Variants in CCDC68 observed in about 807,000 individuals in gnomAD.
The protein encoded by CCDC68 is coiled-coil domain containing 68.
Under a neutral mutation model 47.1 loss-of-function variants are expected in CCDC68, and 45 were observed. That is an observed-to-expected ratio of 0.96 (90% CI 0.75 to 1.23). The LOEUF is 1.23. Ranked by LOEUF, CCDC68 falls within the 50% of genes most tolerant of loss-of-function variation. The pLI is 0.00. For missense variants in CCDC68, 353 were observed against 373.6 expected, an observed-to-expected ratio of 0.94 and a Z score of 0.45; for synonymous variants, 131 against 129.5, an observed-to-expected ratio of 1.01 and a Z score of -0.08.
intron 10 of CCDC68, among the ~76,000 whole-genome samples, chr18:54,916,266 C>T (rs1393607824): frequency 3.9e-5 from 6 of 151,992 alleles, no homozygotes; most frequent in South Asian, 2.1e-4. Flanking sequence ...AAAGACAGTG[C>T]GAGGTTCAAT....
At chr18:54,937,721 T>A in intron 5 of CCDC68, 1 of 348,722 alleles carries the variant, frequency 2.9e-6, no homozygotes, top group East Asian at 5.6e-5. Flanking sequence ...TGACTGAAAT[T>A]GTATAACTGT....
chr18:54,930,175 C>T (rs946974329), intron 7 of CCDC68, among the ~76,000 whole-genome samples: 6 of 152,124 alleles, frequency 3.9e-5, no homozygotes, highest in Admixed American at 6.5e-5. Flanking sequence ...CTCCAAAATG[C>T]CTATAAATGG....
intron 1 of CCDC68, among the ~76,000 whole-genome samples, chr18:54,951,240 A>G (rs1328382469): frequency 2.0e-5 from 3 of 152,116 alleles, no homozygotes; most frequent in Admixed American, 6.6e-5. Flanking sequence ...GTCTATCCTC[A>G]TAGTTCACTG....
At chr18:54,941,799 T>G (rs915940984) in intron 3 of CCDC68, among the ~76,000 whole-genome samples, 151 of 152,178 alleles carry the variant, frequency 9.9e-4, no homozygotes, top group African/African-American at 3.6e-3. Context: ...TATTTTTTAT[T>G]ATTATAATTT....
intron 11 of CCDC68, among the ~76,000 whole-genome samples, chr18:54,905,236 A>C (rs1913918836): frequency 6.6e-6 from 1 of 150,994 alleles, no homozygotes; most frequent in Non-Finnish European, 1.5e-5. Flanking sequence ...CCTGGGCCAC[A>C]GAGTGAGGCC....
At chr18:54,923,717 C>CT (rs5825107) in intron 8 of CCDC68, among the ~76,000 whole-genome samples, 65 of 147,862 alleles carry the variant, frequency 4.4e-4, no homozygotes, top group Middle Eastern at 3.4e-3. Context: ...AGCACTCAGT[C>CT]TTTTTTTTTT....
rs562249148 is a variant in CCDC68, at chr18:54,941,473, A to G, written c.118-390T>C. Among the ~76,000 whole-genome samples the G allele has an allele frequency of 2.9e-3, 331 of 113,064 alleles. 2 individuals are homozygous for G. Among genetic ancestry groups the G allele is most frequent in the Middle Eastern group, 4.6e-3 (1 of 218 alleles). The allele number at this position is 113,064 out of a possible 152,430, so 74.2% of individuals were successfully genotyped here. Reference sequence around the variant, plus strand: ...TACTACTTAGTAATCACTACAAAATAATTACTACCTAGTAATTACTACAAA... The same window carrying G: ...TACTACTTAGTAATCACTACAAAATGATTACTACCTAGTAATTACTACAAA... On this transcript the variant is annotated intron_variant, in intron 3 of 11. Coordinates refer to ENST00000591504, the MANE Select transcript of CCDC68 (RefSeq NM_025214.3).
At chr18:54,907,751 T>C (rs369270622) in intron 11 of CCDC68, 35 bp downstream of exon 11, 5 of 1,167,104 alleles carry the variant, frequency 4.3e-6, no homozygotes, top group Non-Finnish European at 5.2e-6. Flanking sequence ...CAACATAGGT[T>C]GTGAAGACAG....
intron 1 of CCDC68, among the ~76,000 whole-genome samples, chr18:54,950,897 C>CTTTTTTTTTT (rs869026740): frequency 8.1e-5 from 5 of 61,960 alleles, no homozygotes; most frequent in South Asian, 1.8e-3. Context: ...ATTCAGATGT[C>CTTTTTTTTTT]TTTTTTTTTT....
At chr18:54,922,102 C>T (rs1311957618) in intron 8 of CCDC68, among the ~76,000 whole-genome samples, 1 of 152,140 alleles carries the variant, frequency 6.6e-6, no homozygotes, top group African/African-American at 2.4e-5. Flanking sequence ...ATACTGAGCC[C>T]TCAGTATTTC....
chr18:54,911,595 T>C lies in CCDC68; in HGVS notation c.874-3733A>G, dbSNP rs144670491. On this transcript the variant is annotated intron_variant, in intron 10 of 11. Transcript: ENST00000591504. ...GGTGAAGATTTCCTCATATAATGAA[T>C]ATAAATCTATTATACACTCCAAACA... Among the ~76,000 whole-genome samples the C allele has an allele frequency of 2.0e-5, 3 of 152,298 alleles. No homozygotes were observed. The East Asian group carries it at 5.8e-4, about 29-fold the overall frequency.
Position 54,904,043 on chromosome 18 carries a change from A to T in CCDC68, c.*315T>A. On this transcript the variant is annotated 3_prime_UTR_variant, in exon 12 of 12. Coordinates refer to ENST00000591504, the MANE Select transcript of CCDC68 (RefSeq NM_025214.3). ...AAAAAGTCAGAATTGACAATCTTAA[A>T]ACAATCCCAGTAGAAAAAAAAATCT... 3.9e-6 allele frequency: 1 copy of T among 256,946 alleles called. No individual in the cohort carries two copies. The highest frequency in any genetic ancestry group is 7.4e-6 in the Non-Finnish European group (1 of 134,844). The allele number at this position is 256,946 out of a possible 1,614,324, so 15.9% of individuals were successfully genotyped here. A position where few individuals can be genotyped will look rare whatever the true frequency, so the allele number is the denominator to read the frequency against.
chr18:54,934,378 G>GT (rs1013227628), intron 7 of CCDC68, among the ~76,000 whole-genome samples: 153 of 152,174 alleles, frequency 1.0e-3, no homozygotes, highest in African/African-American at 3.6e-3. Flanking sequence ...GCAGCCGTAG[G>GT]TTTTTCCAAA....
intron 1 of CCDC68, among the ~76,000 whole-genome samples, chr18:54,957,627 A>ACACACT (rs375675674): frequency 7.0e-6 from 1 of 143,754 alleles, no homozygotes; most frequent in African/African-American, 2.6e-5. Flanking sequence ...ACACACACAC[A>ACACACT]CTCTCTCTCT....
chr18:54,918,245 C>T (rs1032349406), intron 9 of CCDC68, among the ~76,000 whole-genome samples: 1 of 152,228 alleles, frequency 6.6e-6, no homozygotes, highest in African/African-American at 2.4e-5. Context: ...AAACCAAGTT[C>T]AGCAGGAGTG....
chr18:54,943,357 C>T (rs1026155452), intron 2 of CCDC68, among the ~76,000 whole-genome samples: 1 of 151,968 alleles, frequency 6.6e-6, no homozygotes, highest in Non-Finnish European at 1.5e-5. Flanking sequence ...CATGAAAAAG[C>T]ATAGAGCGGA....
At chr18:54,921,831 C>T (rs1460150592) in intron 8 of CCDC68, among the ~76,000 whole-genome samples, 2 of 152,182 alleles carry the variant, frequency 1.3e-5, no homozygotes, top group Admixed American at 1.3e-4. Context: ...AGATCACTAA[C>T]TAGTTCAGCT....
intron 8 of CCDC68, among the ~76,000 whole-genome samples, chr18:54,920,154 C>T (rs2044031181): frequency 1.3e-5 from 2 of 152,058 alleles, no homozygotes; most frequent in Admixed American, 1.3e-4. Context: ...CACCATCAAG[C>T]TTAGAAGCAT....
chr18:54,918,093 T>C (rs2043987515), intron 9 of CCDC68, 97 bp from the exon 10 acceptor site: 2 of 605,686 alleles, frequency 3.3e-6, no homozygotes, highest in South Asian at 4.2e-5. Flanking sequence ...TCAAAAGATG[T>C]TCATCAAATT....
Sources: gnomAD v4.1 joint callset for allele counts (sites outside exome capture counted in the v4.1 genomes callset) on GRCh38, gnomAD v4.1.1 for gene constraint, MANE v1.5 for transcripts, NCBI Gene and HGNC (gene_info 2026-07-23, HGNC 2026-07-21) for gene names.